The following KIF6 variants were observed in gnomAD, a reference collection of about 807,000 sequenced individuals.
KIF6 encodes the protein kinesin-like protein KIF6.
KIF6 carries 106 observed loss-of-function variants against 112.7 expected under a neutral mutation model. That is an observed-to-expected ratio of 0.94 (90% CI 0.80 to 1.11). KIF6 has a LOEUF of 1.11. KIF6 is among the 50% of genes least tolerant of loss of function. The pLI is 0.00. For synonymous variants in KIF6, 339 were observed against 339.9 expected (o/e 1.00, Z 0.03); for missense variants, 929 against 964.0 (o/e 0.96, Z 0.48).
intron 6 of KIF6, among the ~76,000 whole-genome samples, chr6:39,601,226 C>T (rs189667582): frequency 3.4e-4 from 52 of 152,172 alleles, no homozygotes; most frequent in South Asian, 1.0e-3. Context: ...GATATCCAAC[C>T]CATCCTACTC....
chr6:39,588,862 T>C (rs1781778750), intron 7 of KIF6, among the ~76,000 whole-genome samples: 1 of 152,174 alleles, frequency 6.6e-6, no homozygotes, highest in Admixed American at 6.5e-5. Flanking sequence ...AGTTCAAACC[T>C]CTGGGATCCC....
At chr6:39,642,560 T>C (rs777105345) in intron 3 of KIF6, among the ~76,000 whole-genome samples, 16 of 152,162 alleles carry the variant, frequency 1.1e-4, no homozygotes, top group Non-Finnish European at 1.9e-4. Flanking sequence ...GTACTTGTCT[T>C]TGTTAGACCT....
chr6:39,533,920 G>A (rs187726136), intron 13 of KIF6, among the ~76,000 whole-genome samples: 40 of 152,326 alleles, frequency 2.6e-4, no homozygotes, highest in African/African-American at 8.4e-4. Context: ...CTGCTGTTCT[G>A]CAGCCACCGC....
Position 39,378,923 on chromosome 6 carries a change from G to A in KIF6, c.1861+6699C>T, listed in dbSNP as rs772079196. On this transcript the variant is annotated intron_variant, in intron 16 of 22. Transcript: ENST00000287152. This position sits in a 1 kb window ranked among gnomAD's most constrained non-coding sequence, Gnocchi z 5.0. ...TATTATCTTGGCCGCTCACATAAAC[G>A]CTTTCAGTGAGCTATGCTTTAATGT... Among the ~76,000 whole-genome samples, 2 of 152,122 alleles carry A rather than the reference G, an allele frequency of 1.3e-5. No individual in the cohort carries two copies. The highest frequency in any genetic ancestry group is 2.1e-4 in the South Asian group (1 of 4,826).
At chr6:39,580,115 T>A (rs563501340) in intron 9 of KIF6, among the ~76,000 whole-genome samples, 1 of 152,220 alleles carries the variant, frequency 6.6e-6, no homozygotes, top group African/African-American at 2.4e-5. Flanking sequence ...AAATTAATGA[T>A]ATTAAATTAT....
At chr6:39,628,587 C>A (rs138624534) in intron 5 of KIF6, among the ~76,000 whole-genome samples, 1 of 152,026 alleles carries the variant, frequency 6.6e-6, no homozygotes, top group African/African-American at 2.4e-5. Context: ...GTAAACCTTT[C>A]GGGATTGGCT....
chr6:39,419,909 T>C (rs1390093323), intron 15 of KIF6, 39 bp downstream of exon 15: 2 of 1,548,474 alleles, frequency 1.3e-6, no homozygotes, highest in African/African-American at 2.7e-5. Flanking sequence ...ACCAGGAAAA[T>C]GGTTTCTGAA....
chr6:39,484,962 T>A (rs1412408505), intron 13 of KIF6, among the ~76,000 whole-genome samples: 1 of 152,214 alleles, frequency 6.6e-6, no homozygotes, highest in African/African-American at 2.4e-5. Flanking sequence ...GCTGATCCCA[T>A]GGGGGTTCTT....
chr6:39,549,368 T>C (rs1466197539), intron 10 of KIF6, among the ~76,000 whole-genome samples: 1 of 152,250 alleles, frequency 6.6e-6, no homozygotes, highest in Non-Finnish European at 1.5e-5. Context: ...TCTTCTGTGC[T>C]ATTTGCATAT....
At chr6:39,708,913 A>C (rs1789372936) in intron 3 of KIF6, among the ~76,000 whole-genome samples, 1 of 151,960 alleles carries the variant, frequency 6.6e-6, no homozygotes. Flanking sequence ...AAAACAAATA[A>C]AACAAGACGC....
At position 39,332,789 on chromosome 6, in the gene KIF6, C is replaced by G. The variant is rs1050551302; in HGVS notation, c.*3743G>C. Reference sequence around the variant, plus strand: ...GAGCATGCTCTCTCTCTTTCTCTCTCTTTTTTCTCCTCTCTCTCTCCTTCT... The same window carrying G: ...GAGCATGCTCTCTCTCTTTCTCTCTGTTTTTTCTCCTCTCTCTCTCCTTCT... On this transcript the variant is annotated 3_prime_UTR_variant, in exon 23 of 23. Transcript: ENST00000287152. 7.0e-6 allele frequency: 1 copy of G among 142,218 alleles called. No individual in the cohort carries two copies. The highest frequency in any genetic ancestry group is 7.0e-5 in the Admixed American group (1 of 14,324). 8.8% of individuals were successfully genotyped at this position (142,218 alleles called of 1,614,324 possible). A position where few individuals can be genotyped will look rare whatever the true frequency, so the allele number is the denominator to read the frequency against.
intron 3 of KIF6, among the ~76,000 whole-genome samples, chr6:39,698,174 A>G (rs1788666723): frequency 6.6e-6 from 1 of 152,200 alleles, no homozygotes; most frequent in African/African-American, 2.4e-5. Flanking sequence ...ATGTTACATT[A>G]TTCTTGTGGC....
chr6:39,559,031 T>A (rs549055049), intron 10 of KIF6, among the ~76,000 whole-genome samples: 1 of 152,308 alleles, frequency 6.6e-6, no homozygotes, highest in Admixed American at 6.5e-5. Context: ...GGTTTTAATA[T>A]CTTCAAAATG....
intron 3 of KIF6, among the ~76,000 whole-genome samples, chr6:39,682,095 A>G (rs1029045051): frequency 1.3e-5 from 2 of 152,234 alleles, no homozygotes; most frequent in Non-Finnish European, 2.9e-5. Flanking sequence ...AGAAGACAGA[A>G]AAGAACCATG....
intron 14 of KIF6, among the ~76,000 whole-genome samples, chr6:39,423,378 C>A (rs1770520726): frequency 6.6e-6 from 1 of 152,086 alleles, no homozygotes; most frequent in Admixed American, 6.5e-5. Flanking sequence ...TCTCTGGCAC[C>A]TCCTTCTCAG....
At chr6:39,601,100 A>G (rs935270502) in intron 6 of KIF6, among the ~76,000 whole-genome samples, 3 of 152,116 alleles carry the variant, frequency 2.0e-5, no homozygotes, top group Admixed American at 2.0e-4. Context: ...TGTATAGCAG[A>G]TTGGAATGTC....
At chr6:39,425,352 T>C (rs1368355476) in intron 14 of KIF6, among the ~76,000 whole-genome samples, 1 of 152,216 alleles carries the variant, frequency 6.6e-6, no homozygotes, top group East Asian at 1.9e-4. Context: ...ACTGGGCCTA[T>C]ATTTTGCCAT....
chr6:39,593,977 G>A (rs1402391230), intron 7 of KIF6, among the ~76,000 whole-genome samples: 1 of 152,158 alleles, frequency 6.6e-6, no homozygotes, highest in Non-Finnish European at 1.5e-5. Context: ...TTTGGGGAAA[G>A]GACTGTTTCT....
chr6:39,429,773 TGGCG>T (rs1401448965), intron 14 of KIF6, among the ~76,000 whole-genome samples: 4 of 152,036 alleles, frequency 2.6e-5, no homozygotes, highest in Admixed American at 6.6e-5. Context: ...CCAGGTGTGG[TGGCG>T]GGTGCCTGTA....
Sources: gnomAD v4.1 joint callset for allele counts (sites outside exome capture counted in the v4.1 genomes callset) on GRCh38, gnomAD v4.1.1 for gene constraint, Gnocchi (gnomAD v3.1) non-coding constraint, MANE v1.5 for transcripts, NCBI Gene and HGNC (gene_info 2026-07-23, HGNC 2026-07-21) for gene names.